The following NRXN1 variants were observed in gnomAD, a reference collection of about 807,000 sequenced individuals.
NRXN1 encodes the protein neurexin-1.
In NRXN1, 39 loss-of-function variants were observed where a neutral mutation model predicts 150.9. The observed-to-expected ratio is 0.26, with a 90% CI of 0.20 to 0.34. The LOEUF (loss-of-function observed/expected upper bound fraction) is 0.34. NRXN1 is among the 10% of genes least tolerant of loss of function. The probability of loss-of-function intolerance (pLI) is 1.00; values close to 1 mark genes in which losing one functional copy is unlikely to be tolerated. For missense variants in NRXN1, 1,815 were observed against 1,949.9 expected, an observed-to-expected ratio of 0.93 and a Z score of 1.30; for synonymous variants, 924 against 757.0, an observed-to-expected ratio of 1.22 and a Z score of -3.62.
At chr2:50,489,418 G>T (rs1231370683) in intron 15 of NRXN1, among the ~76,000 whole-genome samples, 1 of 152,142 alleles carries the variant, frequency 6.6e-6, no homozygotes, top group Non-Finnish European at 1.5e-5. Context: ...CAAAGGTGCA[G>T]ATTTCTTTTC....
chr2:50,461,227 T>C (rs531861003), intron 17 of NRXN1, among the ~76,000 whole-genome samples: 2 of 152,120 alleles, frequency 1.3e-5, no homozygotes, highest in East Asian at 3.9e-4. Flanking sequence ...AATAAATTCC[T>C]ATCAGAAAGA....
chr2:50,384,012 G>T (rs1444328463), intron 17 of NRXN1, among the ~76,000 whole-genome samples: 1 of 152,150 alleles, frequency 6.6e-6, no homozygotes, highest in Non-Finnish European at 1.5e-5. Flanking sequence ...AGAGAAGAAA[G>T]TAAAGGAAAG....
At chr2:50,776,269 G>T (rs191997761) in intron 5 of NRXN1, among the ~76,000 whole-genome samples, 2 of 151,964 alleles carry the variant, frequency 1.3e-5, no homozygotes, top group Admixed American at 1.3e-4. Flanking sequence ...TATGTGGTCC[G>T]TACTTCTTTC....
At chr2:50,211,906 A>G (rs1025110678) in intron 18 of NRXN1, among the ~76,000 whole-genome samples, 1 of 151,610 alleles carries the variant, frequency 6.6e-6, no homozygotes, top group African/African-American at 2.4e-5. Context: ...ATAATTGACA[A>G]TTTCAGGAAT....
At chr2:50,664,396 C>CGTGTGTGTGTGTGTGTGT (rs35702112) in intron 5 of NRXN1, among the ~76,000 whole-genome samples, 2 of 108,038 alleles carry the variant, frequency 1.9e-5, no homozygotes, top group Non-Finnish European at 3.7e-5. Context: ...AAGTTTAAAG[C>CGTGTGTGTGTGTGTGTGT]GTGTGTGTGT....
chr2:50,335,286 C>T (rs1239280163), intron 17 of NRXN1, among the ~76,000 whole-genome samples: 2 of 152,108 alleles, frequency 1.3e-5, no homozygotes, highest in African/African-American at 4.8e-5. Flanking sequence ...TGTGTTCTGT[C>T]TAAATGCTAG....
intron 5 of NRXN1, among the ~76,000 whole-genome samples, chr2:50,892,616 G>A (rs548142475): frequency 7.9e-5 from 12 of 152,206 alleles, no homozygotes; most frequent in African/African-American, 2.6e-4. Context: ...AAACTACCTT[G>A]ACATGGAATT....
chr2:50,841,940 G>T (rs1429973318), intron 5 of NRXN1, among the ~76,000 whole-genome samples: 1 of 152,154 alleles, frequency 6.6e-6, no homozygotes, highest in Non-Finnish European at 1.5e-5. Flanking sequence ...GTCTGTGTAT[G>T]CATTGACACA....
chr2:50,851,166 C>T (rs1355944483), intron 5 of NRXN1, among the ~76,000 whole-genome samples: 2 of 152,242 alleles, frequency 1.3e-5, no homozygotes, highest in South Asian at 4.1e-4. Context: ...CATGCAGTCA[C>T]TTAGTACACA....
rs117360738 is a variant in NRXN1 at position 50,651,422 on chromosome 2, G to A, written c.833-27807C>T. Reference sequence around the variant, plus strand: ...AAGCTCAGGAGCTCAAGACCAGCCTGGGAAATATAGTGAGACCTCATCTCT... The same window carrying A: ...AAGCTCAGGAGCTCAAGACCAGCCTAGGAAATATAGTGAGACCTCATCTCT... On this transcript the variant is annotated intron_variant, in intron 5 of 22. Transcript: ENST00000401669. Among the ~76,000 whole-genome samples, 124 of 151,762 alleles carry A rather than the reference G, an allele frequency of 8.2e-4. No homozygotes were observed. In the East Asian group the frequency reaches 0.022, roughly 27 times the overall value.
intron 12 of NRXN1, among the ~76,000 whole-genome samples, chr2:50,517,520 T>C (rs1210322118): frequency 1.3e-5 from 2 of 152,084 alleles, no homozygotes; most frequent in South Asian, 2.1e-4. Flanking sequence ...GAAAGGTAAA[T>C]ATAAAGAAAA....
chr2:50,503,028 C>T (rs569007443), intron 13 of NRXN1, among the ~76,000 whole-genome samples: 1 of 151,982 alleles, frequency 6.6e-6, no homozygotes, highest in Admixed American at 6.6e-5. Flanking sequence ...AAGAAAAGGG[C>T]CAGGCACGGT....
intron 21 of NRXN1, among the ~76,000 whole-genome samples, chr2:50,020,358 T>C (rs1466574658): frequency 6.6e-6 from 1 of 152,226 alleles, no homozygotes; most frequent in Non-Finnish European, 1.5e-5. Context: ...GTTTCATTTT[T>C]TATTCTAAAA....
chr2:50,466,947 A>G lies in NRXN1; in HGVS notation c.3245-1386T>C, dbSNP rs147671514. 3.5e-3 allele frequency among the ~76,000 whole-genome samples: 526 copies of G among 151,890 alleles called. 2 individuals carry two copies. The highest frequency in any genetic ancestry group is 0.012 in the African/African-American group (486 of 41,496). ...ATCCTTTATCTTTCTGTTGCAATTA[A>G]GGCTTCAAACCGTAATGCCAGCCAT... On this transcript the variant is annotated intron_variant, in intron 16 of 22. Transcript: ENST00000401669.
At chr2:50,025,510 A>C (rs980965714) in intron 21 of NRXN1, among the ~76,000 whole-genome samples, 7 of 152,246 alleles carry the variant, frequency 4.6e-5, no homozygotes, top group African/African-American at 1.4e-4. Context: ...CATGGAAGCC[A>C]CAATCTTCAG....
intron 17 of NRXN1, among the ~76,000 whole-genome samples, chr2:50,326,301 G>A (rs536285797): frequency 9.4e-4 from 143 of 152,218 alleles, no homozygotes; most frequent in African/African-American, 3.2e-3. Flanking sequence ...ATTACCTTAA[G>A]TGATAAATTT....
intron 5 of NRXN1, among the ~76,000 whole-genome samples, chr2:50,791,099 C>G (rs952695494): frequency 7.3e-6 from 1 of 137,878 alleles, no homozygotes; most frequent in African/African-American, 2.7e-5. Flanking sequence ...TTTTTTTTTT[C>G]AGCAATAAGT....
chr2:50,946,859 T>C (rs1157469326), intron 2 of NRXN1, among the ~76,000 whole-genome samples: 2 of 152,298 alleles, frequency 1.3e-5, no homozygotes, highest in East Asian at 3.9e-4. Flanking sequence ...CTAAAAGCTA[T>C]TAAATCCAAA....
chr2:50,325,341 G>A (rs75917299), intron 17 of NRXN1, among the ~76,000 whole-genome samples: 18,811 of 152,194 alleles, frequency 0.12, 1,292 homozygotes, highest in African/African-American at 0.15. Context: ...TCACTGGAAG[G>A]GAAGATATGA....
Sources: allele counts gnomAD v4.1 joint callset (sites outside exome capture counted in the v4.1 genomes callset), GRCh38; gene constraint gnomAD v4.1.1; transcripts MANE v1.5; gene names NCBI Gene and HGNC (gene_info 2026-07-23, HGNC 2026-07-21).